The following HPS3 variants were observed in gnomAD, a reference collection of about 807,000 sequenced individuals.
HPS3 encodes the protein BLOC-2 complex member HPS3.
In HPS3, 79 loss-of-function variants were observed where a neutral mutation model predicts 110.9. The observed-to-expected ratio is 0.71, with a 90% CI of 0.59 to 0.86. The LOEUF is 0.86. Among genes scored for constraint, HPS3 ranks in the 40% least tolerant of loss-of-function variants. HPS3 has a pLI of 0.00. For synonymous variants in HPS3, 428 were observed against 451.0 expected (o/e 0.95, Z 0.65); for missense variants, 1,197 against 1,206.2 (o/e 0.99, Z 0.11).
chr3:149,166,684 G>A (rs2177392), intron 14 of HPS3, among the ~76,000 whole-genome samples: 66,260 of 151,800 alleles, frequency 0.44, 14,579 homozygotes, highest in South Asian at 0.49. Flanking sequence ...ATACTCTTGC[G>A]GTGAACATCA....
At position 149,153,477 on chromosome 3, in the gene HPS3, T is replaced by C. The variant is rs1273726852; in HGVS notation, c.1246-17T>C. ...TACCTTTATTTCTTGCTTAAATATG[T>C]GATTTTCCTTTACTAGGCTTGCCCA... is the stretch of plus-strand genomic sequence containing the variant. On this transcript the variant is annotated splice_polypyrimidine_tract_variant and intron_variant, in intron 6 of 16. Coordinates refer to ENST00000296051, the MANE Select transcript of HPS3 (RefSeq NM_032383.5). 2 of 1,608,950 alleles carry C rather than the reference T, an allele frequency of 1.2e-6. No individual in the cohort carries two copies. The highest frequency in any genetic ancestry group is 1.7e-6 in the Non-Finnish European group (2 of 1,175,282).
rs200294685 is a variant in HPS3 at position 149,129,826 on chromosome 3, G to C, written c.103G>C (p.Val35Leu). 8 of 1,605,268 alleles carry C rather than the reference G, an allele frequency of 5.0e-6. No individual in the cohort carries two copies. In the Admixed American group the frequency reaches 1.3e-4, roughly 27 times the overall value. The stretch of plus-strand genomic sequence containing the variant: ...TGGCGGGGGGCGTGACGCGCTTTTC[G>C]TGGCGGCGGGCTGCAAGGTGGAGGC... ...FCGGGRDALF[V>L]AAGCKVEAFA... The change falls in exon 1 of 17, where the codon GTG becomes CTG. Residue 35 changes from valine (V) to leucine (L), a missense_variant. Val to Leu is a conservative substitution (Grantham distance 32, BLOSUM62 1). Transcript: ENST00000296051.
chr3:149,140,920 T>C, intron 2 of HPS3, 97 bp from the exon 3 acceptor site: 1 of 1,143,318 alleles, frequency 8.7e-7, no homozygotes, highest in Non-Finnish European at 1.3e-6. Context: ...GTGTGCATAT[T>C]ATAAATAAAT....
At chr3:149,141,621 C>A (rs1015390111) in intron 4 of HPS3, among the ~76,000 whole-genome samples, 1 of 145,830 alleles carries the variant, frequency 6.9e-6, no homozygotes, top group Non-Finnish European at 1.5e-5. Flanking sequence ...GCAACTTCTA[C>A]TTCCTGGGTT....
Position 149,162,237 on chromosome 3 carries a change from C to T in HPS3, c.2196C>T (p.His732=), listed in dbSNP as rs148398659. 458 of 1,614,000 alleles carry T rather than the reference C, an allele frequency of 2.8e-4. 4 individuals are homozygous for T. In the East Asian group the frequency reaches 9.7e-3, roughly 34 times the overall value. The change falls in exon 12 of 17, where the codon CAC becomes CAT. Residue 732 remains histidine, a synonymous_variant. Coordinates refer to ENST00000296051, the MANE Select transcript of HPS3 (RefSeq NM_032383.5). ...TTGTTCCAACCGAGCTTGCACTTCA[C>T]TTGAAGGAAACTCAGCCTGGATTGC... ...GQIVPTELAL[H]LKETQPGLLV... is the part of the protein sequence containing the mutation.
In HPS3 at chr3:149,145,975, G is replaced by A. The variant is rs558331783; in HGVS notation, c.1163+429G>A. 1.9e-4 allele frequency among the ~76,000 whole-genome samples: 29 copies of A among 152,292 alleles called. No individual in the cohort carries two copies. In the South Asian group the frequency reaches 4.6e-3, roughly 24 times the overall value. On this transcript the variant is annotated intron_variant, in intron 5 of 16. Coordinates refer to ENST00000296051, the MANE Select transcript of HPS3 (RefSeq NM_032383.5). Reference sequence around the variant, plus strand: ...TGTGAAGGGGCCAGAGAGATGATCTGATTCTCTCCTTGATTGGCACAGATA... The same window carrying A: ...TGTGAAGGGGCCAGAGAGATGATCTAATTCTCTCCTTGATTGGCACAGATA...
Position 149,129,810 on chromosome 3 carries a change from GCGTGACGCGCTTTT to G in HPS3, c.92_105del (p.Asp31GlyfsTer45). On this transcript the variant is annotated frameshift_variant, in exon 1 of 17. Coordinates refer to ENST00000296051, the MANE Select transcript of HPS3 (RefSeq NM_032383.5). LOFTEE classifies it high-confidence loss of function. ...AGCCGGACCGGTTCTGTGGCGGGGG[GCGTGACGCGCTTTT>G]CGTGGCGGCGGGCTGCAAGGTGGAG... 1 of 1,607,274 alleles carries G rather than the reference GCGTGACGCGCTTTT, an allele frequency of 6.2e-7. No homozygotes were observed.
At position 149,135,557 on chromosome 3, in the gene HPS3, A is replaced by T. The variant is rs147262145; in HGVS notation, c.218-4447A>T. 2.6e-4 allele frequency among the ~76,000 whole-genome samples: 39 copies of T among 152,324 alleles called. 1 individual carries two copies. The East Asian group carries it at 6.6e-3, about 26-fold the overall frequency. On this transcript the variant is annotated intron_variant, in intron 1 of 16. Coordinates refer to ENST00000296051, the MANE Select transcript of HPS3 (RefSeq NM_032383.5). ...ATTATAAGTTTTCTGAGGTCCCCCC[A>T]GCCATGCAGAACTGCGAGTCAATTA...
rs1405801306 is a variant in HPS3, at chr3:149,173,159, A to G, written c.*937A>G. 6.6e-6 allele frequency: 1 copy of G among 152,158 alleles called. No homozygotes were observed. The highest frequency in any genetic ancestry group is 2.4e-5 in the African/African-American group (1 of 41,434). The allele number at this position is 152,158 out of a possible 1,614,324, so 9.4% of individuals were successfully genotyped here. On this transcript the variant is annotated 3_prime_UTR_variant, in exon 17 of 17. Coordinates refer to ENST00000296051, the MANE Select transcript of HPS3 (RefSeq NM_032383.5). The stretch of plus-strand genomic sequence containing the variant: ...ATTTAATCTATAGAATTGTCTCTCA[A>G]CTCTGCTTTTCTCCAGTTCCAGATA...
Position 149,162,859 on chromosome 3 carries a change from T to TG in HPS3, c.2463dup (p.Arg822AlafsTer11), listed in dbSNP as rs1576695913. ...AGGCAGCCTCCTGACACCACACCATTGCGAACATCGGAGGATCTGGTAAGA... is the reference window on the plus strand; with the variant it reads ...AGGCAGCCTCCTGACACCACACCATTGGCGAACATCGGAGGATCTGGTAAGA... On this transcript the variant is annotated frameshift_variant, in exon 13 of 17. Transcript: ENST00000296051. LOFTEE classifies it high-confidence loss of function. The TG allele has an allele frequency of 1.2e-6, 2 of 1,613,790 alleles. No individual in the cohort carries two copies. The highest frequency in any genetic ancestry group is 1.7e-6 in the Non-Finnish European group (2 of 1,179,720).
rs963517693 is a variant in HPS3 at position 149,158,715 on chromosome 3, G to C, written c.1741G>C (p.Gly581Arg). 3 of 1,613,674 alleles carry C rather than the reference G, an allele frequency of 1.9e-6. No homozygotes were observed. Among genetic ancestry groups the C allele is most frequent in the Non-Finnish European group, 2.5e-6 (3 of 1,179,776 alleles). The change falls in exon 10 of 17, where the codon GGT (glycine) becomes CGT (arginine). Residue 581 changes from glycine to arginine, a missense_variant. By Grantham distance (125) the Gly-to-Arg change is moderately radical. Coordinates refer to ENST00000296051, the MANE Select transcript of HPS3 (RefSeq NM_032383.5). ...HLTLPYYKMS[G>R]LSMAEVLART... ...CACCTTGCCATACTATAAGATGTCTGGTTTGTCTATGGCTGAAGTTCTGGC... is the reference window on the plus strand; with the variant it reads ...CACCTTGCCATACTATAAGATGTCTCGTTTGTCTATGGCTGAAGTTCTGGC...
Position 149,151,203 on chromosome 3 carries a change from AT to A in HPS3, c.1245+532del, listed in dbSNP as rs374361094. 9.2e-3 allele frequency among the ~76,000 whole-genome samples: 1,355 copies of A among 147,078 alleles called. 8 individuals carry two copies. The highest frequency in any genetic ancestry group is 0.032 in the African/African-American group (1,304 of 40,154). ...TTTTTGTATTATTATTATTATTATT[AT>A]TTTTTTTTCTGCAGAGACAGGTTTT... On this transcript the variant is annotated intron_variant, in intron 6 of 16. Coordinates refer to ENST00000296051, the MANE Select transcript of HPS3 (RefSeq NM_032383.5).
chr3:149,153,633 C>A lies in HPS3; in HGVS notation c.1385C>A (p.Ser462Ter), dbSNP rs1330496818. 6 of 1,614,208 alleles carry A rather than the reference C, an allele frequency of 3.7e-6. No homozygotes were observed. The highest frequency in any genetic ancestry group is 5.1e-6 in the Non-Finnish European group (6 of 1,180,018). Residue 462 changes from serine to a stop codon, truncating the protein, a stop_gained, in exon 7 of 17, where the codon TCA becomes TAA. Coordinates refer to ENST00000296051, the MANE Select transcript of HPS3 (RefSeq NM_032383.5). LOFTEE classifies it high-confidence loss of function. Reference sequence around the variant, plus strand: ...GAAGCCATTCCAGAGAGAAGACAGTCACCCAAGAGGCTTCTGTAAGCATCC... The same window carrying A: ...GAAGCCATTCCAGAGAGAAGACAGTAACCCAAGAGGCTTCTGTAAGCATCC... The part of the protein sequence containing the change: ...EPEAIPERRQ[S>*]PKRLLSRKDT...
intron 4 of HPS3, among the ~76,000 whole-genome samples, chr3:149,142,610 G>GA (rs1444622088): frequency 6.6e-6 from 1 of 152,140 alleles, no homozygotes; most frequent in Non-Finnish European, 1.5e-5. Flanking sequence ...GTTATCTAGA[G>GA]AAAGATACAA....
intron 5 of HPS3, among the ~76,000 whole-genome samples, chr3:149,146,817 T>A (rs529221312): frequency 6.6e-6 from 1 of 152,300 alleles, no homozygotes; most frequent in Non-Finnish European, 1.5e-5. Context: ...AGCTGAAAAG[T>A]AGACAGGTGG....
intron 11 of HPS3, 49 bp downstream of exon 11, chr3:149,160,328 A>C: frequency 8.3e-7 from 1 of 1,209,576 alleles, no homozygotes; most frequent in African/African-American, 1.5e-5. Context: ...AGGACCTGGT[A>C]ATCCTGAAGT....
chr3:149,130,592 C>T (rs1721705591), intron 1 of HPS3: 1 of 152,188 alleles, frequency 6.6e-6, no homozygotes, highest in African/African-American at 2.4e-5. Flanking sequence ...CCAGCCTGGT[C>T]AATTTATTGA....
chr3:149,140,926 T>TA, intron 2 of HPS3, 91 bp from the exon 3 acceptor site: 1 of 1,186,348 alleles, frequency 8.4e-7, no homozygotes, highest in Non-Finnish European at 1.2e-6. Flanking sequence ...ATATTATAAA[T>TA]AAATGAAATT....
At chr3:149,147,293 G>A (rs375040266) in intron 5 of HPS3, among the ~76,000 whole-genome samples, 16 of 152,222 alleles carry the variant, frequency 1.1e-4, no homozygotes, top group African/African-American at 3.9e-4. Context: ...CTGTAGATTA[G>A]GGTAAAGAGG....
Sources: allele counts gnomAD v4.1 joint callset (sites outside exome capture counted in the v4.1 genomes callset), GRCh38; gene constraint gnomAD v4.1.1; transcripts MANE v1.5; gene names NCBI Gene and HGNC (gene_info 2026-07-23, HGNC 2026-07-21).